BICD1: variants seen among roughly 807,000 people sequenced by gnomAD.
The protein encoded by BICD1 is protein bicaudal D homolog 1.
In BICD1, 35 loss-of-function variants were observed where a neutral mutation model predicts 92.5. That is an observed-to-expected ratio of 0.38 (90% confidence interval 0.29 to 0.50). The LOEUF (loss-of-function observed/expected upper bound fraction) is 0.50, where lower values mean the gene tolerates loss of function less well. Ranked by LOEUF, BICD1 falls within the 20% of genes least tolerant of loss-of-function variation. BICD1 has a pLI of 0.93. For synonymous variants in BICD1, 429 were observed against 465.1 expected (o/e 0.92, Z 1.00); for missense variants, 950 against 1,189.8 (o/e 0.80, Z 2.97).
chr12:32,201,900 AT>A (rs1944915807), intron 1 of BICD1, among the ~76,000 whole-genome samples: 1 of 152,186 alleles, frequency 6.6e-6, no homozygotes, highest in Non-Finnish European at 1.5e-5. Flanking sequence ...TAAGCAAGCA[AT>A]CTCCTCTTAG....
chr12:32,115,040 G>A (rs1055861846), intron 1 of BICD1, among the ~76,000 whole-genome samples: 7 of 151,934 alleles, frequency 4.6e-5, no homozygotes, highest in South Asian at 2.1e-4. Context: ...GGGTGTGGGC[G>A]GCGGGGGAGT....
intron 2 of BICD1, among the ~76,000 whole-genome samples, chr12:32,232,050 G>A (rs200712756): frequency 0.066 from 9,893 of 150,486 alleles, 683 homozygotes; most frequent in East Asian, 0.34. Flanking sequence ...ATAAACATAC[G>A]TGTGCATGTG....
At chr12:32,252,983 G>A (rs1946607526) in intron 2 of BICD1, among the ~76,000 whole-genome samples, 1 of 152,010 alleles carries the variant, frequency 6.6e-6, no homozygotes, top group Non-Finnish European at 1.5e-5. Flanking sequence ...ATGGAAGGCA[G>A]AGGATTCTCC....
At chr12:32,171,449 A>G (rs901217759) in intron 1 of BICD1, among the ~76,000 whole-genome samples, 15 of 152,208 alleles carry the variant, frequency 9.9e-5, no homozygotes, top group Admixed American at 9.2e-4. Flanking sequence ...GCAGAGCTAG[A>G]TGGTGATGCT....
chr12:32,276,630 C>T (rs936272807), intron 2 of BICD1, among the ~76,000 whole-genome samples: 2 of 152,058 alleles, frequency 1.3e-5, no homozygotes, highest in Admixed American at 1.3e-4. Flanking sequence ...TGTATGGGAG[C>T]TCTGTTTTCA....
chr12:32,130,349 G>T (rs377488574), intron 1 of BICD1, among the ~76,000 whole-genome samples: 1 of 152,128 alleles, frequency 6.6e-6, no homozygotes, highest in South Asian at 2.1e-4. Context: ...GACTACAGGC[G>T]CCTGCCACCG....
intron 1 of BICD1, among the ~76,000 whole-genome samples, chr12:32,204,937 G>C (rs892180676): frequency 2.0e-5 from 3 of 152,174 alleles, no homozygotes; most frequent in Non-Finnish European, 4.4e-5. Context: ...ATTTTCAGTG[G>C]TTGCTGTAAC....
Position 32,305,688 on chromosome 12 carries a change from C to A in BICD1, c.580-9C>A. 6.3e-7 allele frequency: 1 copy of A among 1,595,528 alleles called. No homozygotes were observed. Among genetic ancestry groups the A allele is most frequent in the South Asian group, 1.1e-5 (1 of 87,910 alleles). Reference sequence around the variant, plus strand: ...GTTTTATGAATCTTCTTTATCCTGTCTGATTCAGGTTGAATACGAAGGCTT... The same window carrying A: ...GTTTTATGAATCTTCTTTATCCTGTATGATTCAGGTTGAATACGAAGGCTT... On this transcript the variant is annotated splice_polypyrimidine_tract_variant and intron_variant, in intron 3 of 9. Transcript: ENST00000652176.
chr12:32,157,880 G>C (rs1280238870), intron 1 of BICD1, among the ~76,000 whole-genome samples: 17 of 152,112 alleles, frequency 1.1e-4, no homozygotes, highest in Admixed American at 1.0e-3. Context: ...GAATTTGACT[G>C]CCTGTTTAGG....
At chr12:32,296,077 A>T (rs1237732979) in intron 3 of BICD1, among the ~76,000 whole-genome samples, 3 of 152,022 alleles carry the variant, frequency 2.0e-5, no homozygotes, top group African/African-American at 4.8e-5. Context: ...TTTCTGCCTC[A>T]TTCCTTCCGT....
intron 4 of BICD1, among the ~76,000 whole-genome samples, chr12:32,325,432 A>G (rs1008868525): frequency 1.3e-4 from 20 of 152,202 alleles, no homozygotes. Flanking sequence ...TGCATTGCTC[A>G]CAATCAATAT....
At chr12:32,176,587 A>G (rs1944095874) in intron 1 of BICD1, among the ~76,000 whole-genome samples, 1 of 152,224 alleles carries the variant, frequency 6.6e-6, no homozygotes, top group Non-Finnish European at 1.5e-5. Context: ...GATTTCTATC[A>G]TTCTATCATA....
intron 2 of BICD1, among the ~76,000 whole-genome samples, chr12:32,286,418 C>G (rs1947568533): frequency 6.6e-6 from 1 of 151,614 alleles, no homozygotes; most frequent in South Asian, 2.1e-4. Context: ...ATAGATTTTT[C>G]AAGAAAGAAA....
intron 2 of BICD1, among the ~76,000 whole-genome samples, chr12:32,258,164 C>T (rs972823149): frequency 7.9e-5 from 12 of 152,296 alleles, no homozygotes; most frequent in African/African-American, 2.9e-4. Context: ...TTTGCTTACT[C>T]CACAGCTTCA....
intron 1 of BICD1, among the ~76,000 whole-genome samples, chr12:32,116,989 A>G (rs1941939920): frequency 6.7e-6 from 1 of 150,290 alleles, no homozygotes; most frequent in Non-Finnish European, 1.5e-5. Context: ...ATTATGTTAT[A>G]GAACTGATAT....
intron 4 of BICD1, among the ~76,000 whole-genome samples, chr12:32,317,530 C>CTT (rs1183623689): frequency 1.0e-3 from 154 of 152,278 alleles, no homozygotes; most frequent in African/African-American, 3.5e-3. Context: ...TGTTCATATC[C>CTT]TGCACCCACT....
At chr12:32,346,933 G>A (rs1592705224) in intron 8 of BICD1, among the ~76,000 whole-genome samples, 1 of 143,952 alleles carries the variant, frequency 6.9e-6, no homozygotes, top group African/African-American at 2.6e-5. Flanking sequence ...CATGTATTTC[G>A]GTTTTATTTC....
intron 2 of BICD1, among the ~76,000 whole-genome samples, chr12:32,242,048 C>T (rs1042714834): frequency 1.1e-4 from 17 of 150,218 alleles, no homozygotes; most frequent in Non-Finnish European, 2.5e-4. Context: ...AACAAACAAA[C>T]AAACAAAAAA....
At position 32,113,710 on chromosome 12, in the gene BICD1, A is replaced by AT. The variant is rs36110677; in HGVS notation, c.213+6183dup. On this transcript the variant is annotated intron_variant, in intron 1 of 9. Coordinates refer to ENST00000652176, the MANE Select transcript of BICD1 (RefSeq NM_001714.4). ...AGGAGCATACCACCATGCTTGGGTA[A>AT]TTTTTTTTTTTTTTTTTGAGCTGGA... Among the ~76,000 whole-genome samples the AT allele has an allele frequency of 6.8e-3, 830 of 122,308 alleles. 10 individuals are homozygous for AT. Among genetic ancestry groups the AT allele is most frequent in the East Asian group, 0.048 (197 of 4,068 alleles). 80.2% of individuals were successfully genotyped at this position (122,308 alleles called of 152,430 possible).
Sources: allele counts gnomAD v4.1 joint callset (sites outside exome capture counted in the v4.1 genomes callset), GRCh38; gene constraint gnomAD v4.1.1; transcripts MANE v1.5; gene names NCBI Gene and HGNC (gene_info 2026-07-23, HGNC 2026-07-21).